Variants in CYP2B6 observed in about 807,000 individuals in gnomAD.
CYP2B6 encodes cytochrome P450 2B6.
Under a neutral mutation model 43.4 loss-of-function variants are expected in CYP2B6, and 35 were observed. The ratio of observed to expected loss-of-function variants is 0.81; its 90% CI spans 0.62 to 1.07. The LOEUF (loss-of-function observed/expected upper bound fraction) is 1.07, where lower values mean the gene tolerates loss of function less well. Ranked by LOEUF, CYP2B6 falls within the 50% of genes least tolerant of loss-of-function variation. The probability of loss-of-function intolerance (pLI) is 0.00; values close to 1 mark genes in which losing one functional copy is unlikely to be tolerated. For missense variants in CYP2B6, 624 were observed against 632.8 expected, an observed-to-expected ratio of 0.99 and a Z score of 0.15; for synonymous variants, 239 against 239.2, an observed-to-expected ratio of 1.00 and a Z score of 0.01.
In CYP2B6 at chr19:41,016,652, G is replaced by A. The variant is rs764288403; in HGVS notation, c.1301G>A (p.Arg434Gln). The A allele has an allele frequency of 1.2e-5, 20 of 1,614,006 alleles. No individual in the cohort carries two copies. Among genetic ancestry groups the A allele is most frequent in the African/African-American group, 4.0e-5 (3 of 74,944 alleles). ...EAFIPFSLGKRICLGEGIARA... is the reference protein window; with the variant it reads ...EAFIPFSLGKQICLGEGIARA... The stretch of plus-strand genomic sequence containing the variant: ...TGACCTTCTGTGTCCACAGGGAAGC[G>A]GATTTGTCTTGGTGAAGGCATCGCC... Residue 434 changes from arginine (R) to glutamine (Q), a missense_variant, in exon 9 of 9, where the codon CGG becomes CAG. Coordinates refer to ENST00000324071, the MANE Select transcript of CYP2B6 (RefSeq NM_000767.5).
At chr19:41,010,924 C>T (rs1428955794) in intron 6 of CYP2B6, among the ~76,000 whole-genome samples, 1 of 152,118 alleles carries the variant, frequency 6.6e-6, no homozygotes, top group Non-Finnish European at 1.5e-5. Flanking sequence ...ACTTAAAAAT[C>T]GATCCATCCA....
chr19:41,001,602 G>A (rs1188023197), intron 1 of CYP2B6, among the ~76,000 whole-genome samples: 1 of 152,108 alleles, frequency 6.6e-6, no homozygotes, highest in East Asian at 1.9e-4. Flanking sequence ...TGGTTGTGAG[G>A]ATTAAATGGG....
Position 41,004,017 on chromosome 19 carries a change from G to A in CYP2B6, c.188G>A (p.Gly63Glu), listed in dbSNP as rs1969135108. The A allele has an allele frequency of 1.2e-6, 2 of 1,613,176 alleles. No individual in the cohort carries two copies. The highest frequency in any genetic ancestry group is 1.1e-5 in the South Asian group (1 of 91,048). Reference protein sequence around the residue: ...KSFLRFREKYGDVFTVHLGPR... With the variant: ...KSFLRFREKYEDVFTVHLGPR... The stretch of plus-strand genomic sequence containing the variant: ...GATTGGCAGTTCCGAGAGAAATATG[G>A]GGACGTCTTCACGGTACACCTGGGA... The change falls in exon 2 of 9, where the codon GGG becomes GAG. Residue 63 changes from glycine to glutamate, a missense_variant. Coordinates refer to ENST00000324071, the MANE Select transcript of CYP2B6 (RefSeq NM_000767.5).
chr19:41,013,672 G>A (rs1475274869), intron 8 of CYP2B6, among the ~76,000 whole-genome samples: 1 of 152,194 alleles, frequency 6.6e-6, no homozygotes, highest in East Asian at 1.9e-4. Context: ...CTGGGAAGGT[G>A]GAAAAGGTCT....
At chr19:40,992,430 A>C (rs1968934149) in intron 1 of CYP2B6, among the ~76,000 whole-genome samples, 1 of 152,028 alleles carries the variant, frequency 6.6e-6, no homozygotes, top group Non-Finnish European at 1.5e-5. Context: ...AACGTAGTTG[A>C]GTGATTCTTT....
intron 1 of CYP2B6, among the ~76,000 whole-genome samples, chr19:41,001,131 G>A (rs905042957): frequency 2.0e-5 from 3 of 152,042 alleles, no homozygotes; most frequent in East Asian, 1.9e-4. Flanking sequence ...GCACACAACT[G>A]GGAAAAGGGG....
Position 41,007,004 on chromosome 19 carries a change from T to A in CYP2B6, c.584T>A (p.Phe195Tyr), listed in dbSNP as rs1969199425. The change falls in exon 4 of 9, where the codon TTC (phenylalanine) becomes TAC (tyrosine). Residue 195 changes from phenylalanine to tyrosine, a missense_variant. Phe to Tyr is a conservative substitution (Grantham distance 22). Coordinates refer to ENST00000324071, the MANE Select transcript of CYP2B6 (RefSeq NM_000767.5). ...GKRFHYQDQEFLKMLNLFYQT... is the reference protein window; with the variant it reads ...GKRFHYQDQEYLKMLNLFYQT... ...CGATTCCACTACCAAGATCAAGAGT[T>A]CCTGAAGATGCTGAACTTGTTCTAC... The A allele has an allele frequency of 6.2e-7, 1 of 1,613,976 alleles. No individual in the cohort carries two copies. Among genetic ancestry groups the A allele is most frequent in the Non-Finnish European group, 8.5e-7 (1 of 1,180,040 alleles).
intron 1 of CYP2B6, among the ~76,000 whole-genome samples, chr19:40,993,946 G>A (rs1010830427): frequency 6.6e-6 from 1 of 152,062 alleles, no homozygotes; most frequent in Non-Finnish European, 1.5e-5. Flanking sequence ...TGCCACAAAT[G>A]TTCTCATCTC....
chr19:40,999,166 T>C (rs1158058182), intron 1 of CYP2B6, among the ~76,000 whole-genome samples: 1 of 152,168 alleles, frequency 6.6e-6, no homozygotes, highest in East Asian at 1.9e-4. Context: ...TGCATTTCTC[T>C]GATGGCCATT....
In CYP2B6 at chr19:41,009,419, G is replaced by A. The variant is rs180811860; in HGVS notation, c.822+24G>A. 405 of 1,535,932 alleles carry A rather than the reference G, an allele frequency of 2.6e-4. No homozygotes were observed. In the African/African-American group the frequency reaches 4.6e-3, roughly 18 times the overall value. ...AAGTGGGGTCTGGGAGAGGAAAAAG[G>A]GAAGGGAGGGGAGGGAGGGCAAGAT... On this transcript the variant is annotated intron_variant, in intron 5 of 8. Coordinates refer to ENST00000324071, the MANE Select transcript of CYP2B6 (RefSeq NM_000767.5).
chr19:41,006,536 C>G (rs2144669968), intron 3 of CYP2B6, among the ~76,000 whole-genome samples: 1 of 151,988 alleles, frequency 6.6e-6, no homozygotes, highest in Middle Eastern at 3.4e-3. Flanking sequence ...GTACTCACTC[C>G]CAGAGTCAGA....
intron 8 of CYP2B6, among the ~76,000 whole-genome samples, chr19:41,016,045 C>A (rs536628511): frequency 6.7e-6 from 1 of 149,256 alleles, no homozygotes; most frequent in African/African-American, 2.5e-5. Flanking sequence ...GGTCATTATA[C>A]TCTGTGGGTT....
intron 1 of CYP2B6, among the ~76,000 whole-genome samples, chr19:40,998,329 T>C (rs1430331884): frequency 6.6e-6 from 1 of 152,130 alleles, no homozygotes; most frequent in Non-Finnish European, 1.5e-5. Flanking sequence ...TGAAAGCTGG[T>C]ATGGTCATTG....
intron 1 of CYP2B6, among the ~76,000 whole-genome samples, chr19:40,996,066 G>C (rs1968995606): frequency 6.6e-6 from 1 of 151,922 alleles, no homozygotes; most frequent in Non-Finnish European, 1.5e-5. Context: ...AACCTTATCG[G>C]TCCGGTGACC....
chr19:41,001,764 C>A (rs1448867689), intron 1 of CYP2B6, among the ~76,000 whole-genome samples: 5 of 152,178 alleles, frequency 3.3e-5, no homozygotes, highest in African/African-American at 1.2e-4. Flanking sequence ...GCATCTTGGA[C>A]AAGACATACG....
At chr19:41,010,611 A>C (rs34094522) in intron 6 of CYP2B6, among the ~76,000 whole-genome samples, 189 of 151,834 alleles carry the variant, frequency 1.2e-3, no homozygotes, top group African/African-American at 4.4e-3. Context: ...GATGGGGTTT[A>C]ACCATGTTAG....
intron 1 of CYP2B6, among the ~76,000 whole-genome samples, chr19:41,000,998 C>T (rs1432922325): frequency 1.3e-5 from 2 of 151,988 alleles, no homozygotes; most frequent in African/African-American, 4.8e-5. Flanking sequence ...GAGATTGCAT[C>T]ATTGCACTCC....
At chr19:41,006,177 G>C (rs142149749) in intron 3 of CYP2B6, among the ~76,000 whole-genome samples, 184 of 152,096 alleles carry the variant, frequency 1.2e-3, no homozygotes, top group African/African-American at 4.3e-3. Context: ...AATTAGAGAC[G>C]GGGTCTCACT....
chr19:41,010,214 G>C, intron 6 of CYP2B6, 79 bp downstream of exon 6: 1 of 1,548,062 alleles, frequency 6.5e-7, no homozygotes, highest in Non-Finnish European at 8.9e-7. Flanking sequence ...GTACCACCTG[G>C]ATGAGAGAGG....
Sources: gnomAD v4.1 joint callset for allele counts (sites outside exome capture counted in the v4.1 genomes callset) on GRCh38, gnomAD v4.1.1 for gene constraint, MANE v1.5 for transcripts, NCBI Gene and HGNC (gene_info 2026-07-23, HGNC 2026-07-21) for gene names.